SART3: variants seen among roughly 807,000 people sequenced by gnomAD.
SART3 encodes HIV-1 Tat-interacting protein of 110kDa.
A neutral mutation model predicts 122.3 loss-of-function variants in SART3; 44 were observed. The observed-to-expected ratio is 0.36, with a 90% CI of 0.28 to 0.46. The LOEUF (loss-of-function observed/expected upper bound fraction) is 0.46. SART3 is among the 20% of genes least tolerant of loss of function. SART3 has a pLI of 1.00. For missense variants in SART3, 1,101 were observed against 1,229.0 expected (o/e 0.90, Z 1.56); for synonymous variants, 442 against 454.0 (o/e 0.97, Z 0.34).
At chr12:108,523,656 G>T in intron 18 of SART3, 22 bp from the exon 19 acceptor site, 1 of 1,610,450 alleles carries the variant, frequency 6.2e-7, no homozygotes, top group Non-Finnish European at 8.5e-7. Context: ...AACACTGAAT[G>T]GACCTTTTGA....
intron 3 of SART3, among the ~76,000 whole-genome samples, chr12:108,546,813 G>A (rs1873446073): frequency 6.6e-6 from 1 of 152,088 alleles, no homozygotes; most frequent in Admixed American, 6.5e-5. Context: ...AAGCCACCAT[G>A]CCTGGCCTTA....
intron 1 of SART3, among the ~76,000 whole-genome samples, chr12:108,552,512 G>A: frequency 6.9e-6 from 1 of 145,052 alleles, no homozygotes; most frequent in African/African-American, 2.6e-5. Context: ...ACTGAGCAAG[G>A]TCACAGAATA....
intron 1 of SART3, among the ~76,000 whole-genome samples, chr12:108,552,102 G>A (rs892398745): frequency 2.6e-5 from 4 of 152,066 alleles, no homozygotes; most frequent in African/African-American, 9.7e-5. Flanking sequence ...AAAACTCATG[G>A]TATCAATAGA....
intron 1 of SART3, chr12:108,553,962 G>A (rs576475618): frequency 2.0e-5 from 3 of 152,070 alleles, no homozygotes; most frequent in Non-Finnish European, 4.4e-5. Flanking sequence ...TCAAACCACC[G>A]GCCTCTCAAC....
At chr12:108,543,670 C>A (rs906326300) in intron 5 of SART3, among the ~76,000 whole-genome samples, 3 of 152,182 alleles carry the variant, frequency 2.0e-5, no homozygotes. Flanking sequence ...CTGCATGATA[C>A]CCAACCATTT....
rs769706576 is a variant in SART3 at position 108,536,529 on chromosome 12, G to C, written c.1431C>G (p.Asn477Lys). 2.5e-6 allele frequency: 4 copies of C among 1,614,046 alleles called. No individual in the cohort carries two copies. The highest frequency in any genetic ancestry group is 1.7e-5 in the Admixed American group (1 of 60,008). ...SGDPSCVIMQ[N>K]WARIEARLCN... is the part of the protein sequence containing the mutation. ...AAACATTTACCTCAATCCTAGCCCAGTTCTGCATAATCACGCAGCTTGGAT... is the reference window on the plus strand; with the variant it reads ...AAACATTTACCTCAATCCTAGCCCACTTCTGCATAATCACGCAGCTTGGAT... The change falls in exon 11 of 19, where the codon AAC (asparagine) becomes AAG (lysine). Residue 477 changes from asparagine to lysine, a missense_variant. By Grantham distance (94) the Asn-to-Lys change is moderately conservative. Coordinates refer to ENST00000546815, the MANE Select transcript of SART3 (RefSeq NM_014706.4).
rs1286544542 is a variant in SART3 at position 108,525,615 on chromosome 12, G to T, written c.2371-6C>A. Reference sequence around the variant, plus strand: ...GAAGTGCTGTACCTGAACACCTATAGGAAGAAGGAAGACAGAGAAAAACCA... The same window carrying T: ...GAAGTGCTGTACCTGAACACCTATATGAAGAAGGAAGACAGAGAAAAACCA... On this transcript the variant is annotated splice_polypyrimidine_tract_variant and splice_region_variant and intron_variant, in intron 16 of 18. Coordinates refer to ENST00000546815, the MANE Select transcript of SART3 (RefSeq NM_014706.4). The T allele has an allele frequency of 1.9e-6, 3 of 1,613,822 alleles. No individual in the cohort carries two copies. The highest frequency in any genetic ancestry group is 2.2e-5 in the South Asian group (2 of 91,072).
chr12:108,537,259 G>A (rs1197369966), intron 9 of SART3: 4 of 522,806 alleles, frequency 7.7e-6, no homozygotes, highest in African/African-American at 1.9e-5. Context: ...TGAGAGCTAA[G>A]ACTAAAAAGG....
chr12:108,554,131 C>CCCCCGCCCGCGA (rs11276302), intron 1 of SART3: 1 of 143,354 alleles, frequency 7.0e-6, no homozygotes, highest in African/African-American at 2.6e-5. Flanking sequence ...TCAGAGGGCG[C>CCCCCGCCCGCGA]CCCCGGCCCC....
At chr12:108,531,771 C>T in intron 13 of SART3, 1 of 274,760 alleles carries the variant, frequency 3.6e-6, no homozygotes, top group Non-Finnish European at 7.1e-6. Flanking sequence ...ACACATTGAG[C>T]CATTTGCCTC....
rs750861544 is a variant in SART3 at position 108,537,473 on chromosome 12, CAT to C, written c.1309+13_1309+14del. 4.3e-5 allele frequency: 68 copies of C among 1,596,244 alleles called. No homozygotes were observed. In the East Asian group the frequency reaches 1.4e-3, roughly 32 times the overall value. On this transcript the variant is annotated intron_variant, in intron 9 of 18. Coordinates refer to ENST00000546815, the MANE Select transcript of SART3 (RefSeq NM_014706.4). ...ACATGTTCAGCTCTAAAGTGAAAAACATGTGCTTAAATACCTTGTTTGAAATC... is the reference window on the plus strand; with the variant it reads ...ACATGTTCAGCTCTAAAGTGAAAAACGTGCTTAAATACCTTGTTTGAAATC...
chr12:108,560,916 G>C lies in SART3; in HGVS notation c.239C>G (p.Pro80Arg). Residue 80 changes from proline (P) to arginine (R), a missense_variant, in exon 1 of 19, where the codon CCC (proline) becomes CGC (arginine). By Grantham distance (103) the Pro-to-Arg change is moderately radical (BLOSUM62 -2). Around this residue, in one of 2 missense-constraint regions of SART3, gnomAD observed 216 missense variants for 148.9 expected, o/e 1.45. Transcript: ENST00000546815. ...YAMASSAESS[P>R]GEYEWEYDEE... ...GTCATATTCCCACTCGTACTCCCCG[G>C]GGGAGCTCTCCGCGGAGGAAGCCAT... 1 of 1,613,864 alleles carries C rather than the reference G, an allele frequency of 6.2e-7. No individual in the cohort carries two copies. The highest frequency in any genetic ancestry group is 1.1e-5 in the South Asian group (1 of 91,032).
chr12:108,538,048 C>A lies in SART3; in HGVS notation c.1201+17G>T. The A allele has an allele frequency of 6.2e-7, 1 of 1,614,050 alleles. No individual in the cohort carries two copies. The highest frequency in any genetic ancestry group is 8.5e-7 in the Non-Finnish European group (1 of 1,179,930). ...GGGACAAATAGCTTAGAAGTTCTCCCACAAAAACATCCGCACCAGAAATTA... is the reference window on the plus strand; with the variant it reads ...GGGACAAATAGCTTAGAAGTTCTCCAACAAAAACATCCGCACCAGAAATTA... On this transcript the variant is annotated intron_variant, in intron 8 of 18. Transcript: ENST00000546815.
At chr12:108,559,039 G>GAAAA (rs747479698) in intron 1 of SART3, among the ~76,000 whole-genome samples, 1,366 of 103,880 alleles carry the variant, frequency 0.013, 63 homozygotes, top group African/African-American at 0.027. Flanking sequence ...TCTCAAAAAA[G>GAAAA]AAAAAAAAAA....
rs144956305 is a variant in SART3, at chr12:108,550,966, C to T, written c.313-1752G>A. On this transcript the variant is annotated intron_variant, in intron 1 of 18. Transcript: ENST00000546815. ...AGAAAATAAACAGAAAATAGTAAAA[C>T]GGCAGGCTTTGGTCTGAATAAACCA... Among the ~76,000 whole-genome samples, 315 of 152,218 alleles carry T rather than the reference C, an allele frequency of 2.1e-3. 3 individuals carry two copies. The highest frequency in any genetic ancestry group is 7.4e-3 in the African/African-American group (306 of 41,516).
chr12:108,536,400 T>A, intron 11 of SART3, 114 bp downstream of exon 11: 1 of 1,040,106 alleles, frequency 9.6e-7, no homozygotes, highest in Non-Finnish European at 1.5e-6. Context: ...ATAACATAAA[T>A]CCTTATAGAG....
rs377183024 is a variant in SART3 at position 108,526,559 on chromosome 12, G to A, written c.1916-6C>T. 3.7e-6 allele frequency: 6 copies of A among 1,613,172 alleles called. No individual in the cohort carries two copies. The African/African-American group carries it at 8.0e-5, about 22-fold the overall frequency. On this transcript the variant is annotated splice_region_variant and splice_polypyrimidine_tract_variant and intron_variant, in intron 15 of 18. Coordinates refer to ENST00000546815, the MANE Select transcript of SART3 (RefSeq NM_014706.4). Reference sequence around the variant, plus strand: ...TCTGCGTTTGGAAGGCTGCTCTACAGGTTTTCAAAAGAAAAGTAGCCATGG... The same window carrying A: ...TCTGCGTTTGGAAGGCTGCTCTACAAGTTTTCAAAAGAAAAGTAGCCATGG...
chr12:108,528,882 G>A (rs544476784), intron 15 of SART3, among the ~76,000 whole-genome samples: 1 of 152,302 alleles, frequency 6.6e-6, no homozygotes, highest in South Asian at 2.1e-4. Context: ...AGCACTTTGG[G>A]AGGCCGAGGC....
rs150379327 is a variant in SART3 at position 108,523,563 on chromosome 12, T to C, written c.2786A>G (p.Gln929Arg). Residue 929 changes from glutamine (Q) to arginine (R), a missense_variant, in exon 19 of 19, where the codon CAG (glutamine) becomes CGG (arginine). This residue lies in a region of SART3 where 885 missense variants were observed against 1,080.1 expected (regional missense o/e 0.82). Transcript: ENST00000546815. Reference sequence around the variant, plus strand: ...AGCCGCGGCAGGGCCGTTCTCAGCCTGAGGAGCTGCAGCACTTGGGCGCTG... The same window carrying C: ...AGCCGCGGCAGGGCCGTTCTCAGCCCGAGGAGCTGCAGCACTTGGGCGCTG... The part of the protein sequence containing the change: ...ALQRPSAAAP[Q>R]AENGPAAAPA... 325 of 1,613,976 alleles carry C rather than the reference T, an allele frequency of 2.0e-4. No individual in the cohort carries two copies. The highest frequency in any genetic ancestry group is 2.6e-4 in the Non-Finnish European group (308 of 1,180,014).
Sources: allele counts gnomAD v4.1 joint callset (sites outside exome capture counted in the v4.1 genomes callset), GRCh38; gene constraint gnomAD v4.1.1; regional missense constraint gnomAD v4.1.1; transcripts MANE v1.5; gene names NCBI Gene and HGNC (gene_info 2026-07-23, HGNC 2026-07-21).